The following COG5 variants were observed in gnomAD, a reference collection of about 807,000 sequenced individuals.
The protein encoded by COG5 is conserved oligomeric Golgi complex subunit 5.
Under a neutral mutation model 110.4 loss-of-function variants are expected in COG5, and 86 were observed. The observed-to-expected ratio is 0.78, with a 90% CI of 0.65 to 0.93. COG5 has a LOEUF of 0.93. Among genes scored for constraint, COG5 ranks in the 40% least tolerant of loss-of-function variants. COG5 has a pLI of 0.00. For missense variants in COG5, 1,077 were observed against 987.0 expected (o/e 1.09, Z -1.22); for synonymous variants, 360 against 334.6 (o/e 1.08, Z -0.83).
intron 11 of COG5, among the ~76,000 whole-genome samples, chr7:107,314,835 C>G (rs1480064471): frequency 6.6e-6 from 1 of 152,168 alleles, no homozygotes; most frequent in African/African-American, 2.4e-5. Flanking sequence ...TTCTGCCAAA[C>G]AGAACATCAA....
chr7:107,258,868 C>T (rs1315520773), intron 14 of COG5, among the ~76,000 whole-genome samples: 6 of 151,744 alleles, frequency 4.0e-5, no homozygotes, highest in Admixed American at 3.9e-4. Context: ...GATGGCTAGA[C>T]AGAGAAATAA....
intron 18 of COG5, among the ~76,000 whole-genome samples, chr7:107,235,373 T>C (rs1801101818): frequency 6.6e-6 from 1 of 152,234 alleles, no homozygotes; most frequent in Non-Finnish European, 1.5e-5. Flanking sequence ...CAGTAACTAT[T>C]TGGACTAGTA....
chr7:107,513,599 G>A (rs969153086), intron 6 of COG5, among the ~76,000 whole-genome samples: 8 of 152,150 alleles, frequency 5.3e-5, no homozygotes, highest in Non-Finnish European at 8.8e-5. Context: ...ACATGCACAC[G>A]TATGTTTACT....
rs567978925 is a variant in COG5, at chr7:107,453,341, T to C, written c.539-40709A>G. 2.6e-5 allele frequency among the ~76,000 whole-genome samples: 4 copies of C among 152,286 alleles called. No homozygotes were observed. The East Asian group carries it at 7.7e-4, about 29-fold the overall frequency. On this transcript the variant is annotated intron_variant, in intron 6 of 21. Coordinates refer to ENST00000297135, the MANE Select transcript of COG5 (RefSeq NM_006348.5). Reference sequence around the variant, plus strand: ...TGTGAGTTTTGAGAATTGCTGCATATGGTATTAATAATGAGAATCTGAGGA... The same window carrying C: ...TGTGAGTTTTGAGAATTGCTGCATACGGTATTAATAATGAGAATCTGAGGA...
intron 3 of COG5, among the ~76,000 whole-genome samples, chr7:107,552,272 T>G (rs1310617770): frequency 2.0e-5 from 3 of 152,176 alleles, no homozygotes; most frequent in African/African-American, 7.2e-5. Flanking sequence ...AAAAATATTA[T>G]GACATTTAAA....
intron 6 of COG5, among the ~76,000 whole-genome samples, chr7:107,509,080 C>G (rs1382747061): frequency 6.6e-6 from 1 of 152,078 alleles, no homozygotes; most frequent in Non-Finnish European, 1.5e-5. Flanking sequence ...AAGAAGGCTT[C>G]AGAAGATCAA....
intron 6 of COG5, among the ~76,000 whole-genome samples, chr7:107,496,656 T>C (rs1798289944): frequency 8.3e-6 from 1 of 120,172 alleles, no homozygotes; most frequent in African/African-American, 3.1e-5. Context: ...AGACTCTGTC[T>C]CAAAAAAAAA....
At chr7:107,309,708 T>C (rs540170902) in intron 11 of COG5, among the ~76,000 whole-genome samples, 1 of 152,248 alleles carries the variant, frequency 6.6e-6, no homozygotes, top group Non-Finnish European at 1.5e-5. Context: ...TGTGGTTGTG[T>C]CACACATCTA....
intron 6 of COG5, among the ~76,000 whole-genome samples, chr7:107,508,104 G>C (rs556037757): frequency 6.6e-6 from 1 of 152,254 alleles, no homozygotes; most frequent in Non-Finnish European, 1.5e-5. Flanking sequence ...GGAAGAGCAA[G>C]GGGTCAGGGA....
intron 14 of COG5, among the ~76,000 whole-genome samples, chr7:107,265,197 G>C (rs1803699170): frequency 1.3e-5 from 2 of 152,178 alleles, no homozygotes; most frequent in South Asian, 2.1e-4. Context: ...TTGTTTACTT[G>C]ACCAAAGGAA....
In COG5 at chr7:107,201,732, G is replaced by GA; in HGVS notation, c.*1783dup. On this transcript the variant is annotated 3_prime_UTR_variant, in exon 22 of 22. Coordinates refer to ENST00000297135, the MANE Select transcript of COG5 (RefSeq NM_006348.5). ...TATCCTGTGGTGCTAAAGTACAGTA[G>GA]AAAGAGAGGAGAAGTGTATACATGT... The GA allele has an allele frequency of 3.2e-6, 1 of 310,100 alleles. No homozygotes were observed. Among genetic ancestry groups the GA allele is most frequent in the South Asian group, 9.8e-5 (1 of 10,186 alleles). The allele number at this position is 310,100 out of a possible 1,614,324, so 19.2% of individuals were successfully genotyped here. A position where few individuals can be genotyped will look rare whatever the true frequency, so the allele number is the denominator to read the frequency against.
intron 3 of COG5, among the ~76,000 whole-genome samples, chr7:107,550,787 C>A: frequency 6.7e-6 from 1 of 149,904 alleles, no homozygotes. Flanking sequence ...CTCACCGCAA[C>A]CTCTGCCTCC....
intron 6 of COG5, among the ~76,000 whole-genome samples, chr7:107,513,738 G>A (rs906302325): frequency 2.4e-4 from 37 of 152,296 alleles, no homozygotes; most frequent in Non-Finnish European, 5.0e-4. Context: ...AAGAGTTCAT[G>A]TCCTTTGTAG....
At chr7:107,425,388 C>G (rs1157384113) in intron 6 of COG5, among the ~76,000 whole-genome samples, 1 of 151,150 alleles carries the variant, frequency 6.6e-6, no homozygotes, top group Non-Finnish European at 1.5e-5. Context: ...TATTTATATC[C>G]TACTCTCCTA....
At chr7:107,359,908 G>A (rs7810216) in intron 10 of COG5, among the ~76,000 whole-genome samples, 23,765 of 148,188 alleles carry the variant, frequency 0.16, 2,282 homozygotes, top group Non-Finnish European at 0.22. Flanking sequence ...ATACATCAAG[G>A]TGACCTGCCT....
At chr7:107,354,246 C>T (rs1275175206) in intron 10 of COG5, among the ~76,000 whole-genome samples, 1 of 152,178 alleles carries the variant, frequency 6.6e-6, no homozygotes, top group Non-Finnish European at 1.5e-5. Flanking sequence ...ATTTCTGATA[C>T]TCTACATCAA....
At chr7:107,501,504 AAAC>A (rs560531410) in intron 6 of COG5, among the ~76,000 whole-genome samples, 13 of 152,106 alleles carry the variant, frequency 8.5e-5, no homozygotes, top group Non-Finnish European at 1.6e-4. Context: ...AATGTACGAA[AAAC>A]AACATACTAA....
chr7:107,560,448 A>G (rs1244732007), intron 1 of COG5, among the ~76,000 whole-genome samples: 1 of 152,242 alleles, frequency 6.6e-6, no homozygotes, highest in Non-Finnish European at 1.5e-5. Context: ...GTGATTAGGT[A>G]GAACAAACAA....
chr7:107,558,287 T>C (rs978243335), intron 1 of COG5, among the ~76,000 whole-genome samples, 172 bp from the exon 2 acceptor site: 3 of 152,168 alleles, frequency 2.0e-5, no homozygotes, highest in Non-Finnish European at 4.4e-5. Context: ...AGTATAACAT[T>C]GAGAAAGAGA....
Sources: allele counts gnomAD v4.1 joint callset (sites outside exome capture counted in the v4.1 genomes callset), GRCh38; gene constraint gnomAD v4.1.1; transcripts MANE v1.5; gene names NCBI Gene and HGNC (gene_info 2026-07-23, HGNC 2026-07-21).